Variants in PPARA observed in about 807,000 individuals in gnomAD.
The protein encoded by PPARA is peroxisome proliferator activated receptor alpha.
PPARA carries 22 observed loss-of-function variants against 42.2 expected under a neutral mutation model. The ratio of observed to expected loss-of-function variants is 0.52; its 90% confidence interval spans 0.37 to 0.74. The LOEUF (loss-of-function observed/expected upper bound fraction) is 0.74. PPARA is among the 30% of genes least tolerant of loss of function. The pLI is 0.00. For synonymous variants in PPARA, 242 were observed against 239.3 expected, an observed-to-expected ratio of 1.01 and a Z score of -0.10; for missense variants, 465 against 608.2, an observed-to-expected ratio of 0.76 and a Z score of 2.48.
chr22:46,231,670 T>C lies in PPARA; in HGVS notation c.712-122T>C, dbSNP rs1935881322. On this transcript the variant is annotated intron_variant, in intron 7 of 8. Coordinates refer to ENST00000407236, the MANE Select transcript of PPARA (RefSeq NM_005036.6). The surrounding 1 kb of genome is among the most constrained non-coding windows in gnomAD (Gnocchi z 7.7). ...GTAAGGACTATGTTCCGCGGGTATC[T>C]TGAGTCCTCTGAGGCACTGAGCTTG... 3.5e-5 allele frequency: 35 copies of C among 1,003,550 alleles called. No homozygotes were observed. The South Asian group carries it at 4.0e-4, about 11-fold the overall frequency. 62.2% of individuals were successfully genotyped at this position (1,003,550 alleles called of 1,614,324 possible).
Position 46,235,223 on chromosome 22 carries a change from C to G in PPARA, c.1250C>G (p.Pro417Arg). The G allele has an allele frequency of 6.2e-7, 1 of 1,614,108 alleles. No individual in the cohort carries two copies. The highest frequency in any genetic ancestry group is 1.3e-5 in the African/African-American group (1 of 75,032). Residue 417 changes from proline (P) to arginine (R), a missense_variant, in exon 9 of 9, where the codon CCG becomes CGG. Pro to Arg is a moderately radical substitution (Grantham distance 103, BLOSUM62 -2). This residue lies in a region of PPARA where 313 missense variants were observed against 469.1 expected (regional missense o/e 0.67). Transcript: ENST00000407236. This position sits in a 1 kb window ranked among gnomAD's most constrained non-coding sequence, Gnocchi z 7.0. Reference protein sequence around the residue: ...VLRLHLQSNHPDDIFLFPKLL... With the variant: ...VLRLHLQSNHRDDIFLFPKLL... ...AGACTCCACCTGCAGAGCAACCACC[C>G]GGACGATATCTTTCTCTTCCCAAAA...
rs533423423 is a variant in PPARA, at chr22:46,160,462, A to G, written c.-127+8492A>G. Among the ~76,000 whole-genome samples the G allele has an allele frequency of 1.6e-4, 25 of 151,932 alleles. No homozygotes were observed. Among genetic ancestry groups the G allele is most frequent in the African/African-American group, 5.8e-4 (24 of 41,438 alleles). On this transcript the variant is annotated intron_variant, in intron 2 of 8. Transcript: ENST00000407236. The surrounding 1 kb of genome is among the most constrained non-coding windows in gnomAD (Gnocchi z 4.5). ...CAGGCACGCGCCACCATGCCTGGCT[A>G]AATTGTTGTATTTTTAGTAGAGATG...
chr22:46,228,552 G>A (rs1238864407), intron 7 of PPARA, among the ~76,000 whole-genome samples: 1 of 151,628 alleles, frequency 6.6e-6, no homozygotes, highest in Non-Finnish European at 1.5e-5. Flanking sequence ...GAAAAACCAA[G>A]GGGTCCCACA....
rs1403340597 is a variant in PPARA at position 46,221,276 on chromosome 22, C to T, written c.711+1262C>T. Among the ~76,000 whole-genome samples the T allele has an allele frequency of 6.6e-6, 1 of 152,202 alleles. No homozygotes were observed. The highest frequency in any genetic ancestry group is 1.5e-5 in the Non-Finnish European group (1 of 68,038). ...AAGGATCACCCCCATGATCCAGTCCCTCCCGCCAGGCCTCACCTCCACCAC... is the reference window on the plus strand; with the variant it reads ...AAGGATCACCCCCATGATCCAGTCCTTCCCGCCAGGCCTCACCTCCACCAC... On this transcript the variant is annotated intron_variant, in intron 7 of 8. Transcript: ENST00000407236. The surrounding 1 kb of genome is among the most constrained non-coding windows in gnomAD (Gnocchi z 5.9).
At position 46,156,857 on chromosome 22, in the gene PPARA, C is replaced by T. The variant is rs1442278881; in HGVS notation, c.-127+4887C>T. Among the ~76,000 whole-genome samples the T allele has an allele frequency of 1.3e-5, 2 of 152,212 alleles. No individual in the cohort carries two copies. The highest frequency in any genetic ancestry group is 2.9e-5 in the Non-Finnish European group (2 of 68,032). ...CCTCAGGTGATCCACCTGCTTCAGC[C>T]TCCCAAAGTCTTAGGATTACAGGCG... is the stretch of plus-strand genomic sequence containing the variant. On this transcript the variant is annotated intron_variant, in intron 2 of 8. Transcript: ENST00000407236. The surrounding 1 kb of genome is among the most constrained non-coding windows in gnomAD (Gnocchi z 5.2).
intron 2 of PPARA, among the ~76,000 whole-genome samples, chr22:46,169,298 A>G (rs1480264314): frequency 3.3e-5 from 5 of 151,904 alleles, no homozygotes; most frequent in Non-Finnish European, 5.9e-5. Context: ...GCAGTGGCGC[A>G]ATCTCGGCTC....
chr22:46,220,282 A>G (rs1356603888), intron 7 of PPARA: 8 of 473,978 alleles, frequency 1.7e-5, no homozygotes, highest in Non-Finnish European at 7.7e-6. Context: ...AAAAACCTTA[A>G]TAGCTTACCA....
At chr22:46,179,625 G>T (rs932461218) in intron 3 of PPARA, among the ~76,000 whole-genome samples, 5 of 151,728 alleles carry the variant, frequency 3.3e-5, no homozygotes, top group African/African-American at 1.2e-4. Context: ...AGAAAACACA[G>T]GAGAAAAATC....
chr22:46,192,990 T>C lies in PPARA; in HGVS notation c.-42-5352T>C, dbSNP rs1601702573. 6.6e-6 allele frequency among the ~76,000 whole-genome samples: 1 copy of C among 151,734 alleles called. No homozygotes were observed. On this transcript the variant is annotated intron_variant, in intron 3 of 8. Transcript: ENST00000407236. This position sits in a 1 kb window ranked among gnomAD's most constrained non-coding sequence, Gnocchi z 4.3. ...AGAGGCTGGGAAGGGTGGTGAGGGG[T>C]TGGGGGCAGTGAAGATGGTTAACAG...
chr22:46,197,537 A>G (rs1321153362), intron 3 of PPARA, among the ~76,000 whole-genome samples: 6 of 152,126 alleles, frequency 3.9e-5, no homozygotes, highest in African/African-American at 1.2e-4. Context: ...CCTGGAGGAG[A>G]GGCTCAGTGG....
rs1926217488 is a variant in PPARA, at chr22:46,161,811, T to C, written c.-127+9841T>C. ...TCAGAGCCCTCAGTGGCGTTCCCTT[T>C]TCCGCGCTAGCGTTTGGTCCCTGCG... On this transcript the variant is annotated intron_variant, in intron 2 of 8. Transcript: ENST00000407236. This position sits in a 1 kb window ranked among gnomAD's most constrained non-coding sequence, Gnocchi z 4.8. Among the ~76,000 whole-genome samples, 1 of 152,182 alleles carries C rather than the reference T, an allele frequency of 6.6e-6. No individual in the cohort carries two copies. The highest frequency in any genetic ancestry group is 6.5e-5 in the Admixed American group (1 of 15,276).
rs183904091 is a variant in PPARA, at chr22:46,211,771, C to T, written c.209-3402C>T. Among the ~76,000 whole-genome samples the T allele has an allele frequency of 6.6e-6, 1 of 152,120 alleles. No homozygotes were observed. Among genetic ancestry groups the T allele is most frequent in the Admixed American group, 6.5e-5 (1 of 15,292 alleles). On this transcript the variant is annotated intron_variant, in intron 4 of 8. Transcript: ENST00000407236. The surrounding 1 kb of genome is among the most constrained non-coding windows in gnomAD (Gnocchi z 4.1). ...CACAATCTCGGCTCACTACAACCTC[C>T]GTCTCCTGGGTTCAAGCCATTCTGC...
At chr22:46,209,316 C>T (rs929849331) in intron 4 of PPARA, among the ~76,000 whole-genome samples, 8 of 152,044 alleles carry the variant, frequency 5.3e-5, no homozygotes, top group African/African-American at 1.9e-4. Context: ...CCTTTATGCT[C>T]CTTGTGCTTG....
chr22:46,242,722 C>CGT lies in PPARA; in HGVS notation c.*7346_*7347dup, dbSNP rs1372737210. On this transcript the variant is annotated 3_prime_UTR_variant, in exon 9 of 9. Transcript: ENST00000407236. This position sits in a 1 kb window ranked among gnomAD's most constrained non-coding sequence, Gnocchi z 6.1. ...AAACATCTAAAATACACTGCGTACA[C>CGT]GTGTGCGTGCACACACACACACACA... 4.5e-4 allele frequency: 61 copies of CGT among 136,438 alleles called. No individual in the cohort carries two copies. Among genetic ancestry groups the CGT allele is most frequent in the African/African-American group, 1.8e-3 (57 of 31,780 alleles). 8.5% of individuals were successfully genotyped at this position (136,438 alleles called of 1,614,324 possible).
intron 2 of PPARA, among the ~76,000 whole-genome samples, chr22:46,170,722 C>A (rs574461082): frequency 5.3e-5 from 8 of 151,830 alleles, no homozygotes; most frequent in South Asian, 4.2e-4. Context: ...ACATCAATAC[C>A]CACAATGAGA....
rs1225126713 is a variant in PPARA at position 46,196,005 on chromosome 22, T to A, written c.-42-2337T>A. On this transcript the variant is annotated intron_variant, in intron 3 of 8. Transcript: ENST00000407236. The surrounding 1 kb of genome is among the most constrained non-coding windows in gnomAD (Gnocchi z 5.6). The stretch of plus-strand genomic sequence containing the variant: ...CAGGCAGGTGGCACCTGGGCAAAGG[T>A]GCAGACGTGGAATCCTGAAAGCAAT... 6.6e-6 allele frequency among the ~76,000 whole-genome samples: 1 copy of A among 152,074 alleles called. No homozygotes were observed. The highest frequency in any genetic ancestry group is 2.4e-5 in the African/African-American group (1 of 41,388).
chr22:46,229,106 C>CA lies in PPARA; in HGVS notation c.712-2671dup, dbSNP rs533415499. 1.5e-3 allele frequency among the ~76,000 whole-genome samples: 200 copies of CA among 129,396 alleles called. 1 individual carries two copies. The highest frequency in any genetic ancestry group is 6.5e-3 in the South Asian group (25 of 3,844). 84.9% of individuals were successfully genotyped at this position (129,396 alleles called of 152,430 possible). A position where few individuals can be genotyped will look rare whatever the true frequency, so the allele number is the denominator to read the frequency against. On this transcript the variant is annotated intron_variant, in intron 7 of 8. Coordinates refer to ENST00000407236, the MANE Select transcript of PPARA (RefSeq NM_005036.6). ...TGGGCAACAGAGCGAGACTCCATCTCAAAAAAAAAAAAAAATTATTTAACA... is the reference window on the plus strand; with the variant it reads ...TGGGCAACAGAGCGAGACTCCATCTCAAAAAAAAAAAAAAAATTATTTAACA...
chr22:46,226,184 CG>C (rs1935437456), intron 7 of PPARA, among the ~76,000 whole-genome samples: 1 of 152,146 alleles, frequency 6.6e-6, no homozygotes, highest in South Asian at 2.1e-4. Flanking sequence ...CATGCTCACA[CG>C]CATACCCACA....
rs1159545465 is a variant in PPARA, at chr22:46,233,339, C to T, written c.1159+1100C>T. ...GGCTCTGCAGCCTCCACATTTTTGG[C>T]TCGGTGTCACGTTCCTTTAAATAGC... On this transcript the variant is annotated intron_variant, in intron 8 of 8. Coordinates refer to ENST00000407236, the MANE Select transcript of PPARA (RefSeq NM_005036.6). The surrounding 1 kb of genome is among the most constrained non-coding windows in gnomAD (Gnocchi z 7.3). Among the ~76,000 whole-genome samples the T allele has an allele frequency of 6.6e-6, 1 of 152,194 alleles. No homozygotes were observed. Among genetic ancestry groups the T allele is most frequent in the Non-Finnish European group, 1.5e-5 (1 of 68,044 alleles).
Sources: gnomAD v4.1 joint callset for allele counts (sites outside exome capture counted in the v4.1 genomes callset) on GRCh38, gnomAD v4.1.1 for gene constraint, gnomAD v4.1.1 regional missense constraint, Gnocchi (gnomAD v3.1) non-coding constraint, MANE v1.5 for transcripts, NCBI Gene and HGNC (gene_info 2026-07-23, HGNC 2026-07-21) for gene names.